Variants in RBM19 observed in about 807,000 individuals in gnomAD.
RBM19 encodes the protein RNA binding motif protein 19.
RBM19 carries 94 observed loss-of-function variants against 116.8 expected under a neutral mutation model. The observed-to-expected ratio is 0.80, with a 90% CI of 0.68 to 0.95. The LOEUF (loss-of-function observed/expected upper bound fraction) is 0.95, where lower values mean the gene tolerates loss of function less well. Ranked by LOEUF, RBM19 falls within the 40% of genes least tolerant of loss-of-function variation. The probability of loss-of-function intolerance (pLI) is 0.00; values close to 1 mark genes in which losing one functional copy is unlikely to be tolerated. For synonymous variants in RBM19, 475 were observed against 494.1 expected (o/e 0.96, Z 0.51); for missense variants, 1,161 against 1,220.7 (o/e 0.95, Z 0.73).
At chr12:113,955,061 G>A (rs1202983394) in intron 7 of RBM19, 70 bp downstream of exon 7, 1 of 1,498,164 alleles carries the variant, frequency 6.7e-7, no homozygotes, top group Non-Finnish European at 9.3e-7. Context: ...TGCACCAAAG[G>A]CTCCTGGCCT....
intron 17 of RBM19, among the ~76,000 whole-genome samples, chr12:113,926,588 GGAGCTCCCT>G (rs1402968799): frequency 2.0e-5 from 3 of 151,856 alleles, no homozygotes; most frequent in Admixed American, 6.6e-5. Context: ...CCTTCTATGT[GGAGCTCCCT>G]GTCCTTTCAT....
chr12:113,829,776 C>G (rs1164670061), intron 23 of RBM19, among the ~76,000 whole-genome samples: 1 of 152,232 alleles, frequency 6.6e-6, no homozygotes, highest in Non-Finnish European at 1.5e-5. Context: ...GAGCACTTAG[C>G]CCAGGGCCCG....
Position 113,858,875 on chromosome 12 carries a change from C to G in RBM19, c.2580G>C (p.Thr860=). The G allele has an allele frequency of 1.2e-6, 2 of 1,614,144 alleles. No homozygotes were observed. The highest frequency in any genetic ancestry group is 1.7e-6 in the Non-Finnish European group (2 of 1,180,030). The change falls in exon 22 of 24, where the codon ACG becomes ACC. Residue 860 remains threonine (T), a synonymous_variant. Transcript: ENST00000261741. ...ELFSTFGELK[T]VRLPKKMTGT... ...CAGTCATCTTCTTTGGCAGGCGGAC[C>G]GTCTTCAACTCCCCAAAGGTGCTAG...
intron 12 of RBM19, 26 bp from the exon 13 acceptor site, chr12:113,945,950 G>T (rs1272561856): frequency 6.6e-7 from 1 of 1,520,076 alleles, no homozygotes; most frequent in South Asian, 1.1e-5. Flanking sequence ...AGAACAGGGA[G>T]ATCAGACCGC....
At chr12:113,824,892 C>T (rs1458226605) in intron 23 of RBM19, among the ~76,000 whole-genome samples, 3 of 152,248 alleles carry the variant, frequency 2.0e-5, no homozygotes, top group African/African-American at 7.2e-5. Flanking sequence ...AAAACATGTG[C>T]GTCAGATCCA....
chr12:113,837,338 C>T (rs1212952216), intron 23 of RBM19, among the ~76,000 whole-genome samples: 3 of 151,690 alleles, frequency 2.0e-5, no homozygotes, highest in Non-Finnish European at 1.5e-5. Flanking sequence ...GGTCCTTTGC[C>T]CAGAGAGCAT....
At chr12:113,838,134 A>G (rs1876124565) in intron 23 of RBM19, among the ~76,000 whole-genome samples, 1 of 152,224 alleles carries the variant, frequency 6.6e-6, no homozygotes, top group African/African-American at 2.4e-5. Context: ...CTGGCAGCTC[A>G]GGACACTGGG....
Position 113,915,097 on chromosome 12 carries a change from G to A in RBM19, c.2442-12C>T. On this transcript the variant is annotated splice_polypyrimidine_tract_variant and intron_variant, in intron 20 of 23. Transcript: ENST00000261741. ...ATGTCACGGCTGGCCTGGAGTGGTGGGGGGAGAGGGTCCAAGTTATTCGGA... is the reference window on the plus strand; with the variant it reads ...ATGTCACGGCTGGCCTGGAGTGGTGAGGGGAGAGGGTCCAAGTTATTCGGA... 2 of 1,607,406 alleles carry A rather than the reference G, an allele frequency of 1.2e-6. No homozygotes were observed. The highest frequency in any genetic ancestry group is 1.7e-6 in the Non-Finnish European group (2 of 1,173,858).
intron 22 of RBM19, among the ~76,000 whole-genome samples, chr12:113,854,048 T>A (rs1254385528): frequency 6.6e-6 from 1 of 152,018 alleles, no homozygotes; most frequent in Non-Finnish European, 1.5e-5. Flanking sequence ...AGTGAATCAG[T>A]GAATGAAGGG....
chr12:113,887,952 G>C (rs1432781080), intron 21 of RBM19, among the ~76,000 whole-genome samples: 1 of 152,098 alleles, frequency 6.6e-6, no homozygotes, highest in Non-Finnish European at 1.5e-5. Flanking sequence ...GAACTCGTGG[G>C]CTCAACTGAT....
intron 17 of RBM19, 41 bp from the exon 18 acceptor site, chr12:113,924,798 C>T: frequency 6.7e-7 from 1 of 1,501,930 alleles, no homozygotes; most frequent in Non-Finnish European, 9.3e-7. Context: ...AGCTCTAAAC[C>T]ACTATGCAGG....
At chr12:113,863,566 G>A (rs1301330054) in intron 21 of RBM19, among the ~76,000 whole-genome samples, 1 of 152,192 alleles carries the variant, frequency 6.6e-6, no homozygotes, top group African/African-American at 2.4e-5. Context: ...AGGGCCTTCT[G>A]CTCCCAGGAC....
chr12:113,847,330 T>A (rs976986739), intron 22 of RBM19, among the ~76,000 whole-genome samples: 5 of 152,110 alleles, frequency 3.3e-5, no homozygotes, highest in Non-Finnish European at 7.4e-5. Context: ...TGCAGAAAAT[T>A]TTTTCTTTCC....
At chr12:113,945,732 C>CA in intron 13 of RBM19, 96 bp downstream of exon 13, 2 of 1,069,836 alleles carry the variant, frequency 1.9e-6, no homozygotes, top group Non-Finnish European at 2.7e-6. Flanking sequence ...CTGGCGGCCC[C>CA]AGCCTCACAG....
chr12:113,879,544 C>T (rs1225315969), intron 21 of RBM19, among the ~76,000 whole-genome samples: 1 of 151,762 alleles, frequency 6.6e-6, no homozygotes, highest in African/African-American at 2.4e-5. Flanking sequence ...CCATTCCTTC[C>T]TCCTAGGCCC....
intron 16 of RBM19, among the ~76,000 whole-genome samples, chr12:113,933,219 A>C (rs1593608492): frequency 6.7e-6 from 1 of 150,230 alleles, no homozygotes; most frequent in African/African-American, 2.5e-5. Flanking sequence ...CTCCCCTCCT[A>C]CTCTTCTTCC....
At position 113,946,442 on chromosome 12, in the gene RBM19, T is replaced by C; in HGVS notation, c.1441A>G (p.Lys481Glu). 3.7e-6 allele frequency: 6 copies of C among 1,614,032 alleles called. No homozygotes were observed. The highest frequency in any genetic ancestry group is 4.2e-6 in the Non-Finnish European group (5 of 1,179,990). ...RMLHVLPSTI[K>E]KEASEDASAL... is the part of the protein sequence containing the mutation. Reference sequence around the variant, plus strand: ...CTGGCATCCTCGCTGGCTTCCTTCTTGATGGTAGATGGTAACACGTGGAGC... The same window carrying C: ...CTGGCATCCTCGCTGGCTTCCTTCTCGATGGTAGATGGTAACACGTGGAGC... The change falls in exon 12 of 24, where the codon AAG becomes GAG. Residue 481 changes from lysine (K) to glutamate (E), a missense_variant. Transcript: ENST00000261741.
chr12:113,959,519 C>G (rs1447048056), intron 4 of RBM19, 115 bp from the exon 5 acceptor site: 1 of 1,217,082 alleles, frequency 8.2e-7, no homozygotes, highest in Non-Finnish European at 1.1e-6. Flanking sequence ...GAAGATCCCT[C>G]AAGCTAATTT....
At chr12:113,854,823 CGAGACTGGGGAGG>C (rs1405567049) in intron 22 of RBM19, among the ~76,000 whole-genome samples, 1 of 152,186 alleles carries the variant, frequency 6.6e-6, no homozygotes, top group Non-Finnish European at 1.5e-5. Flanking sequence ...AAATGCTCAG[CGAGACTGGGGAGG>C]GAGACTGGAT....
Sources: allele counts gnomAD v4.1 joint callset (sites outside exome capture counted in the v4.1 genomes callset), GRCh38; gene constraint gnomAD v4.1.1; transcripts MANE v1.5; gene names NCBI Gene and HGNC (gene_info 2026-07-23, HGNC 2026-07-21).